The following PPM1F variants were observed in gnomAD, a reference collection of about 807,000 sequenced individuals.
PPM1F encodes the protein protein phosphatase, Mg2+/Mn2+ dependent 1F.
PPM1F carries 17 observed loss-of-function variants against 35.5 expected under a neutral mutation model. The ratio of observed to expected loss-of-function variants is 0.48; its 90% CI spans 0.33 to 0.72. The LOEUF (loss-of-function observed/expected upper bound fraction) is 0.72. PPM1F is among the 30% of genes least tolerant of loss of function. The probability of loss-of-function intolerance (pLI) is 0.02; values close to 1 mark genes in which losing one functional copy is unlikely to be tolerated. For synonymous variants in PPM1F, 241 were observed against 255.5 expected (o/e 0.94, Z 0.54); for missense variants, 521 against 613.0 (o/e 0.85, Z 1.59).
intron 6 of PPM1F, among the ~76,000 whole-genome samples, chr22:21,926,506 C>T (rs1312209580): frequency 6.6e-6 from 1 of 152,092 alleles, no homozygotes; most frequent in Non-Finnish European, 1.5e-5. Context: ...ACACCCCAGG[C>T]CTGGGTTCCT....
intron 7 of PPM1F, 149 bp from the exon 8 acceptor site, chr22:21,923,620 G>A: frequency 6.4e-6 from 5 of 786,112 alleles, no homozygotes; most frequent in South Asian, 2.3e-5. Context: ...TATGCAAACT[G>A]CCCAGTACTT....
At position 21,923,197 on chromosome 22, in the gene PPM1F, C is replaced by T; in HGVS notation, c.1260G>A (p.Leu420=). 1 of 1,613,674 alleles carries T rather than the reference C, an allele frequency of 6.2e-7. No individual in the cohort carries two copies. The highest frequency in any genetic ancestry group is 2.2e-5 in the East Asian group (1 of 44,870). The change falls in exon 8 of 8, where the codon CTG becomes CTA. Residue 420 remains leucine (L), a synonymous_variant. Coordinates refer to ENST00000263212, the MANE Select transcript of PPM1F (RefSeq NM_014634.4). ...VVFLRDPQEL[L]EGGNQGEGDP... ...CCCCTTCTCCCTGGTTCCCGCCCTC[C>T]AGCAGCTCTTGGGGGTCCCTGAGGA...
intron 6 of PPM1F, chr22:21,926,132 CTT>C (rs917204354): frequency 2.7e-4 from 36 of 131,420 alleles, no homozygotes; most frequent in Non-Finnish European, 3.1e-4. Context: ...CCGCCCAGTT[CTT>C]TTTTTTTTTT....
chr22:21,924,672 C>A (rs1296704255), intron 7 of PPM1F, among the ~76,000 whole-genome samples: 1 of 150,266 alleles, frequency 6.7e-6, no homozygotes, highest in Non-Finnish European at 1.5e-5. Flanking sequence ...TGGGTTCAAG[C>A]ACTTCTCCTC....
chr22:21,922,946 G>GT lies in PPM1F; in HGVS notation c.*145_*146insA. ...ACAGCCACCAGGACGGGCTGCGGGGGGTGTCCCGACTGGCTCTGGGGTGCT... is the reference window on the plus strand; with the variant it reads ...ACAGCCACCAGGACGGGCTGCGGGGGTGTGTCCCGACTGGCTCTGGGGTGCT... On this transcript the variant is annotated 3_prime_UTR_variant, in exon 8 of 8. Coordinates refer to ENST00000263212, the MANE Select transcript of PPM1F (RefSeq NM_014634.4). 2.8e-6 allele frequency: 3 copies of GT among 1,086,582 alleles called. No individual in the cohort carries two copies. The highest frequency in any genetic ancestry group is 4.0e-6 in the Non-Finnish European group (3 of 753,542). 67.3% of individuals were successfully genotyped at this position (1,086,582 alleles called of 1,614,324 possible).
intron 1 of PPM1F, chr22:21,950,533 C>T (rs1449594002): frequency 6.6e-6 from 1 of 151,890 alleles, no homozygotes; most frequent in Non-Finnish European, 1.5e-5. Context: ...ACTGCAGAAC[C>T]AAGGTAATGA....
chr22:21,937,761 T>G (rs980741377), intron 3 of PPM1F: 1 of 179,884 alleles, frequency 5.6e-6, no homozygotes, highest in African/African-American at 2.4e-5. Flanking sequence ...CAACAGCCGC[T>G]TAGCCTAGAC....
At chr22:21,928,452 C>T (rs1601779559) in intron 6 of PPM1F, among the ~76,000 whole-genome samples, 1 of 152,228 alleles carries the variant, frequency 6.6e-6, no homozygotes, top group African/African-American at 2.4e-5. Flanking sequence ...GTGGCCTGAT[C>T]ACTTCAGAAG....
chr22:21,929,677 C>T (rs1385594062), intron 6 of PPM1F, among the ~76,000 whole-genome samples: 4 of 152,146 alleles, frequency 2.6e-5, no homozygotes, highest in Admixed American at 6.6e-5. Context: ...AATTCCCCCA[C>T]GGTGGTGGAG....
rs1468299586 is a variant in PPM1F, at chr22:21,939,969, A to G, written c.207-289T>C. ...ATGGCTCCTGGCCACAGGAGGGCAG[A>G]GGAATCACCCATGCCAGCTGGGGAC... is the stretch of plus-strand genomic sequence containing the variant. On this transcript the variant is annotated intron_variant, in intron 2 of 7. Coordinates refer to ENST00000263212, the MANE Select transcript of PPM1F (RefSeq NM_014634.4). The surrounding 1 kb of genome is among the most constrained non-coding windows in gnomAD (Gnocchi z 5.1). 1.3e-5 allele frequency among the ~76,000 whole-genome samples: 2 copies of G among 152,180 alleles called. No individual in the cohort carries two copies. Among genetic ancestry groups the G allele is most frequent in the African/African-American group, 4.8e-5 (2 of 41,454 alleles).
Position 21,945,863 on chromosome 22 carries a change from G to A in PPM1F, c.186C>T (p.Ala62=). 2 of 1,611,084 alleles carry A rather than the reference G, an allele frequency of 1.2e-6. No individual in the cohort carries two copies. Among genetic ancestry groups the A allele is most frequent in the African/African-American group, 1.3e-5 (1 of 75,008 alleles). Residue 62 remains alanine, a synonymous_variant, in exon 2 of 8, where the codon GCC becomes GCT. Transcript: ENST00000263212. ...CCTACCTGCTGCCCAGAAAGCCCATGGCCAGCTCAGCCAGCTCGCCCTCCA... is the reference window on the plus strand; with the variant it reads ...CCTACCTGCTGCCCAGAAAGCCCATAGCCAGCTCAGCCAGCTCGCCCTCCA... ...EEVEGELAEL[A]MGFLGSRKAP...
chr22:21,947,087 T>A (rs547165361), intron 1 of PPM1F: 1 of 152,346 alleles, frequency 6.6e-6, no homozygotes, highest in East Asian at 1.9e-4. Flanking sequence ...CTCACCGGCT[T>A]CTCTCTCACT....
Position 21,926,563 on chromosome 22 carries a change from C to T in PPM1F, c.892-901G>A, listed in dbSNP as rs190381588. Among the ~76,000 whole-genome samples, 190 of 152,242 alleles carry T rather than the reference C, an allele frequency of 1.2e-3. 1 individual carries two copies. The highest frequency in any genetic ancestry group is 4.2e-3 in the African/African-American group (173 of 41,540). ...GGTCCACCCACAAGTCCTCTAGAAA[C>T]CTCTTTGGTCCTATCAGCCTCTGCC... On this transcript the variant is annotated intron_variant, in intron 6 of 7. Coordinates refer to ENST00000263212, the MANE Select transcript of PPM1F (RefSeq NM_014634.4).
chr22:21,928,525 G>A (rs1310076725), intron 6 of PPM1F, among the ~76,000 whole-genome samples: 2 of 152,334 alleles, frequency 1.3e-5, no homozygotes, highest in East Asian at 3.9e-4. Flanking sequence ...CCAGCTGAAG[G>A]AGCAGCAGGT....
At chr22:21,923,777 A>G (rs1017234171) in intron 7 of PPM1F, among the ~76,000 whole-genome samples, 1 of 151,580 alleles carries the variant, frequency 6.6e-6, no homozygotes, top group African/African-American at 2.4e-5. Flanking sequence ...TCCTGGGTTC[A>G]AGCGATTCCC....
Position 21,921,460 on chromosome 22 carries a change from C to A in PPM1F, c.*1632G>T. 1 of 152,792 alleles carries A rather than the reference C, an allele frequency of 6.5e-6. No homozygotes were observed. 9.5% of individuals were successfully genotyped at this position (152,792 alleles called of 1,614,324 possible). On this transcript the variant is annotated 3_prime_UTR_variant, in exon 8 of 8. Transcript: ENST00000263212. ...CCCCTAGCCCCCTGCCCTCTTCCCT[C>A]TACCCGACACCCTCCCCCAGCCTTG...
intron 1 of PPM1F, chr22:21,952,401 T>G (rs2070849435): frequency 2.0e-5 from 3 of 149,984 alleles, no homozygotes; most frequent in African/African-American, 7.4e-5. Context: ...TCCTGGGGGG[T>G]GGGGAGAGGC....
intron 2 of PPM1F, 44 bp downstream of exon 2, chr22:21,945,799 C>T: frequency 2.5e-6 from 4 of 1,584,050 alleles, no homozygotes; most frequent in Non-Finnish European, 2.6e-6. Context: ...GGCCCTGGTG[C>T]CGTGCCCTTA....
chr22:21,930,579 C>A (rs1184658075), intron 6 of PPM1F, among the ~76,000 whole-genome samples: 1 of 152,212 alleles, frequency 6.6e-6, no homozygotes, highest in Non-Finnish European at 1.5e-5. Flanking sequence ...TGGTGGAGAA[C>A]AGCACGTGGG....
Sources: gnomAD v4.1 joint callset for allele counts (sites outside exome capture counted in the v4.1 genomes callset) on GRCh38, gnomAD v4.1.1 for gene constraint, Gnocchi (gnomAD v3.1) non-coding constraint, MANE v1.5 for transcripts, NCBI Gene and HGNC (gene_info 2026-07-23, HGNC 2026-07-21) for gene names.